Variants in LAMA4 observed in about 807,000 individuals in gnomAD.
LAMA4 encodes laminin subunit alpha-4.
In LAMA4, 127 loss-of-function variants were observed where a neutral mutation model predicts 207.1. The observed-to-expected ratio is 0.61, with a 90% CI of 0.53 to 0.71. LAMA4 has a LOEUF of 0.71. Among genes scored for constraint, LAMA4 ranks in the 30% least tolerant of loss-of-function variants. The pLI, the probability that LAMA4 is intolerant of heterozygous loss-of-function variation, is 0.00. For synonymous variants in LAMA4, 761 were observed against 816.0 expected (o/e 0.93, Z 1.15); for missense variants, 2,093 against 2,246.5 (o/e 0.93, Z 1.38).
chr6:112,166,153 T>A (rs1292435024), intron 12 of LAMA4: 1 of 152,186 alleles, frequency 6.6e-6, no homozygotes, highest in Non-Finnish European at 1.5e-5. Flanking sequence ...GGAAATACTT[T>A]AAAGCTTTTT....
intron 2 of LAMA4, among the ~76,000 whole-genome samples, chr6:112,251,790 A>G (rs1787476245): frequency 6.6e-6 from 1 of 152,206 alleles, no homozygotes; most frequent in Non-Finnish European, 1.5e-5. Flanking sequence ...AATTACCTCA[A>G]TCTCACCCTT....
intron 27 of LAMA4, 37 bp from the exon 28 acceptor site, chr6:112,132,927 A>G (rs1779125374): frequency 5.6e-6 from 9 of 1,601,652 alleles, no homozygotes; most frequent in Middle Eastern, 1.7e-4. Context: ...TGTTTTTGAG[A>G]ATTATCAAAT....
At chr6:112,158,681 T>A in intron 14 of LAMA4, 51 bp downstream of exon 14, 20 of 1,500,610 alleles carry the variant, frequency 1.3e-5, no homozygotes, top group Non-Finnish European at 1.8e-5. Flanking sequence ...TGAATAGTAA[T>A]ATTTTATTCA....
chr6:112,229,755 A>G (rs1342525034), intron 2 of LAMA4, among the ~76,000 whole-genome samples: 4 of 152,258 alleles, frequency 2.6e-5, no homozygotes, highest in Non-Finnish European at 4.4e-5. Flanking sequence ...CACTCCGCGT[A>G]TCATAATTCC....
upstream of LAMA4, chr6:112,254,640 C>T (rs1787741957): frequency 5.5e-6 from 1 of 182,560 alleles, no homozygotes; most frequent in Non-Finnish European, 1.2e-5. Flanking sequence ...TTTTCAGACA[C>T]TGAGGTCCGC....
At chr6:112,114,623 G>T (rs1554322807) in intron 37 of LAMA4, 40 bp downstream of exon 37, 3 of 1,269,166 alleles carry the variant, frequency 2.4e-6, no homozygotes, top group Non-Finnish European at 2.3e-6. Flanking sequence ...TAATCTTACA[G>T]TTGGGTGTGC....
At chr6:112,132,303 C>T (rs2114653214) in intron 28 of LAMA4, among the ~76,000 whole-genome samples, 1 of 152,162 alleles carries the variant, frequency 6.6e-6, no homozygotes, top group South Asian at 2.1e-4. Flanking sequence ...GACCTAATAA[C>T]ATTAGAAGTA....
chr6:112,165,047 C>T, intron 13 of LAMA4, 113 bp downstream of exon 13: 1 of 773,508 alleles, frequency 1.3e-6, no homozygotes, highest in Non-Finnish European at 2.4e-6. Context: ...GTCATCTGAT[C>T]TTTATAATGC....
intron 5 of LAMA4, among the ~76,000 whole-genome samples, chr6:112,200,723 TC>T (rs1231136235): frequency 1.3e-5 from 2 of 152,196 alleles, no homozygotes; most frequent in Non-Finnish European, 2.9e-5. Flanking sequence ...TGAGTTTATG[TC>T]CTTTGCAGGG....
intron 4 of LAMA4, among the ~76,000 whole-genome samples, chr6:112,206,667 T>C (rs917307231): frequency 6.6e-6 from 1 of 152,162 alleles, no homozygotes; most frequent in African/African-American, 2.4e-5. Context: ...TTACTGAAAA[T>C]ATGATATTAT....
At chr6:112,169,925 A>G (rs577426724) in intron 12 of LAMA4, among the ~76,000 whole-genome samples, 1 of 152,382 alleles carries the variant, frequency 6.6e-6, no homozygotes, top group East Asian at 1.9e-4. Flanking sequence ...ACACCCTGAC[A>G]TTTACCAACC....
rs1554332606 is a variant in LAMA4, at chr6:112,139,795, G to C, written c.3067C>G (p.His1023Asp). 6.2e-7 allele frequency: 1 copy of C among 1,614,042 alleles called. No individual in the cohort carries two copies. ...GTGGAGGGGTCCATATTATAGATGT[G>C]CTTAAAGTTGTACAAGCTGATCACA... Reference protein sequence around the residue: ...NDVISLYNFKHIYNMDPSTSV... With the variant: ...NDVISLYNFKDIYNMDPSTSV... The change falls in exon 23 of 39, where the codon CAC (histidine) becomes GAC (aspartate). Residue 1023 changes from histidine to aspartate, a missense_variant. Coordinates refer to ENST00000230538, the MANE Select transcript of LAMA4 (RefSeq NM_001105206.3).
chr6:112,145,332 G>C (rs782412847), intron 18 of LAMA4, among the ~76,000 whole-genome samples: 3 of 152,264 alleles, frequency 2.0e-5, no homozygotes, highest in Non-Finnish European at 4.4e-5. Flanking sequence ...GACAGAGGGA[G>C]AGCCAGGGCT....
Position 112,140,754 on chromosome 6 carries a change from G to T in LAMA4, c.2976+6C>A. 6.2e-7 allele frequency: 1 copy of T among 1,612,940 alleles called. No individual in the cohort carries two copies. The highest frequency in any genetic ancestry group is 8.5e-7 in the Non-Finnish European group (1 of 1,179,048). On this transcript the variant is annotated splice_donor_region_variant and intron_variant, in intron 22 of 38. Transcript: ENST00000230538. ...TAATAGGTCAAAATATAGCTGTATG[G>T]CTGACCTTGAAGTTGGAAGGCACTC...
At chr6:112,158,966 T>G (rs892921528) in intron 13 of LAMA4, 86 bp from the exon 14 acceptor site, 1 of 935,590 alleles carries the variant, frequency 1.1e-6, no homozygotes, top group Non-Finnish European at 1.7e-6. Context: ...TCTCTGTTCT[T>G]TCTTATTATG....
Position 112,207,020 on chromosome 6 carries a change from C to G in LAMA4, c.422+1G>C. ...AGAGACCATCCTCCTTTAGGACTTA[C>G]TTGGCCAAGTGGGGCAGGGGACAGG... On this transcript the variant is annotated splice_donor_variant, in intron 4 of 38. Coordinates refer to ENST00000230538, the MANE Select transcript of LAMA4 (RefSeq NM_001105206.3). LOFTEE classifies it high-confidence loss of function. The G allele has an allele frequency of 6.2e-7, 1 of 1,613,886 alleles. No individual in the cohort carries two copies. The highest frequency in any genetic ancestry group is 1.3e-5 in the African/African-American group (1 of 74,998).
Position 112,155,550 on chromosome 6 carries a change from T to A in LAMA4, c.1959+15A>T. ...GGGAAAGGCAAGGTATAAAGAACTT[T>A]CAGGGAATACTCACATCATAAATTC... On this transcript the variant is annotated intron_variant, in intron 15 of 38. Coordinates refer to ENST00000230538, the MANE Select transcript of LAMA4 (RefSeq NM_001105206.3). 1.2e-6 allele frequency: 2 copies of A among 1,614,070 alleles called. No homozygotes were observed. Among genetic ancestry groups the A allele is most frequent in the East Asian group, 2.2e-5 (1 of 44,868 alleles).
chr6:112,131,006 C>T lies in LAMA4; in HGVS notation c.3930G>A (p.Gly1310=), dbSNP rs138810316. The change falls in exon 29 of 39, where the codon GGG becomes GGA. Residue 1310 remains glycine (G), a synonymous_variant. Transcript: ENST00000230538. ...CAGAGCTAATGACGAAGTGGGACAG[C>T]CCATCATTGTACTGCTTATCTACTG... ...VQSVDKQYND[G]LSHFVISSVS... 2.4e-5 allele frequency: 38 copies of T among 1,612,818 alleles called. No homozygotes were observed. Among genetic ancestry groups the T allele is most frequent in the Non-Finnish European group, 3.1e-5 (37 of 1,179,114 alleles).
At chr6:112,185,515 G>A (rs1021666989) in intron 8 of LAMA4, among the ~76,000 whole-genome samples, 168 bp from the exon 9 acceptor site, 2 of 152,176 alleles carry the variant, frequency 1.3e-5, no homozygotes, top group African/African-American at 2.4e-5. Flanking sequence ...GGGGTCTGCA[G>A]AGGGGACTGA....
Sources: allele counts gnomAD v4.1 joint callset (sites outside exome capture counted in the v4.1 genomes callset), GRCh38; gene constraint gnomAD v4.1.1; transcripts MANE v1.5; gene names NCBI Gene and HGNC (gene_info 2026-07-23, HGNC 2026-07-21).